Variants in NAALADL2 observed in about 807,000 individuals in gnomAD.
NAALADL2 encodes the protein inactive N-acetylated-alpha-linked acidic dipeptidase-like protein 2.
A neutral mutation model predicts 87.2 loss-of-function variants in NAALADL2; 76 were observed. That is an observed-to-expected ratio of 0.87 (90% CI 0.72 to 1.05). The LOEUF is 1.05. NAALADL2 is among the 50% of genes least tolerant of loss of function. The probability of loss-of-function intolerance (pLI) is 0.00; values close to 1 mark genes in which losing one functional copy is unlikely to be tolerated. For missense variants in NAALADL2, 1,089 were observed against 945.8 expected (o/e 1.15, Z -1.99); for synonymous variants, 354 against 331.0 (o/e 1.07, Z -0.75).
At chr3:174,553,816 A>G (rs996393107) in intron 2 of NAALADL2, among the ~76,000 whole-genome samples, 5 of 152,056 alleles carry the variant, frequency 3.3e-5, no homozygotes, top group African/African-American at 1.2e-4. Flanking sequence ...TTAATTCAGG[A>G]AATGAACAGT....
chr3:175,581,704 G>A (rs1263890473), intron 10 of NAALADL2, among the ~76,000 whole-genome samples: 1 of 152,140 alleles, frequency 6.6e-6, no homozygotes. Flanking sequence ...TGAATGTAGA[G>A]TGAAAATGAG....
At chr3:174,922,309 TAA>T (rs35627069) in intron 1 of NAALADL2, among the ~76,000 whole-genome samples, 6,684 of 137,784 alleles carry the variant, frequency 0.049, 153 homozygotes, top group Middle Eastern at 0.1. Flanking sequence ...GACCTTATCT[TAA>T]AAAAAAAAAA....
In NAALADL2 at chr3:174,456,133, C is replaced by G. The variant is rs903164770; in HGVS notation, c.-184+15101C>G. Among the ~76,000 whole-genome samples, 8 of 152,002 alleles carry G rather than the reference C, an allele frequency of 5.3e-5. No homozygotes were observed. In the East Asian group the frequency reaches 1.5e-3, roughly 29 times the overall value. ...CAGTTGCCACAAAAAGAATAAAATA[C>G]TTAGGAATACAGCTAACCAGGGAGG... On this transcript the variant is annotated intron_variant, in intron 1 of 3. Coordinates refer to the NAALADL2 transcript ENST00000434257.
intron 9 of NAALADL2, among the ~76,000 whole-genome samples, chr3:175,500,327 T>C (rs190026977): frequency 6.6e-6 from 1 of 152,162 alleles, no homozygotes; most frequent in Non-Finnish European, 1.5e-5. Context: ...AGTAAGGTAT[T>C]GAAGTAGAGA....
rs576392750 is a variant in NAALADL2, at chr3:175,774,347, A to G, written c.2189+18929A>G. Reference sequence around the variant, plus strand: ...ATACAGCCAAAAATGTTTGACTTATATGAATGTTAAGAAATACATTGTTAT... The same window carrying G: ...ATACAGCCAAAAATGTTTGACTTATGTGAATGTTAAGAAATACATTGTTAT... On this transcript the variant is annotated intron_variant, in intron 13 of 13. Transcript: ENST00000454872. 2.6e-5 allele frequency among the ~76,000 whole-genome samples: 4 copies of G among 152,210 alleles called. No homozygotes were observed. In the South Asian group the frequency reaches 6.2e-4, roughly 24 times the overall value.
chr3:175,440,864 G>T (rs772622898), intron 5 of NAALADL2, among the ~76,000 whole-genome samples: 4 of 152,072 alleles, frequency 2.6e-5, no homozygotes, highest in Non-Finnish European at 5.9e-5. Context: ...TAACAGTTTG[G>T]ATGTCCTTTA....
chr3:175,751,006 A>C (rs902839697), intron 12 of NAALADL2, among the ~76,000 whole-genome samples: 3 of 151,194 alleles, frequency 2.0e-5, no homozygotes, highest in African/African-American at 7.3e-5. Flanking sequence ...TGAAATTTGT[A>C]AGTTAATTTC....
intron 4 of NAALADL2, among the ~76,000 whole-genome samples, chr3:175,294,874 T>C (rs187553902): frequency 6.6e-6 from 1 of 152,178 alleles, no homozygotes; most frequent in Non-Finnish European, 1.5e-5. Flanking sequence ...CTGCCATGCA[T>C]GTGAGTCGCT....
chr3:175,050,203 C>A (rs867919910), intron 1 of NAALADL2, among the ~76,000 whole-genome samples: 1 of 152,184 alleles, frequency 6.6e-6, no homozygotes, highest in Non-Finnish European at 1.5e-5. Context: ...ACCCGTGATA[C>A]TGAGCTGGAA....
chr3:174,984,329 G>A (rs1745526135), intron 1 of NAALADL2, among the ~76,000 whole-genome samples: 1 of 152,134 alleles, frequency 6.6e-6, no homozygotes, highest in African/African-American at 2.4e-5. Context: ...GTGCCTGAAT[G>A]TGTATATTTG....
intron 2 of NAALADL2, among the ~76,000 whole-genome samples, chr3:175,145,980 T>C (rs1730695074): frequency 6.6e-6 from 1 of 152,170 alleles, no homozygotes; most frequent in South Asian, 2.1e-4. Flanking sequence ...TCCATGTTTT[T>C]GTAGCACACA....
chr3:175,074,663 AGT>A (rs1024229785), intron 1 of NAALADL2, among the ~76,000 whole-genome samples: 4 of 152,064 alleles, frequency 2.6e-5, no homozygotes, highest in African/African-American at 9.7e-5. Flanking sequence ...TATTAAAAAT[AGT>A]CTTTGTCTTT....
chr3:175,129,517 C>T (rs1218940977), intron 2 of NAALADL2, among the ~76,000 whole-genome samples: 1 of 152,224 alleles, frequency 6.6e-6, no homozygotes, highest in African/African-American at 2.4e-5. Flanking sequence ...CTATACTCTG[C>T]TTTTATGAAT....
In NAALADL2 at chr3:175,751,835, G is replaced by A. The variant is rs1255958553; in HGVS notation, c.1991-3385G>A. ...TGAAATTCACCGTGCCTTAAGTAAA[G>A]TTTTATATAATCTTAAGTTTTTATG... On this transcript the variant is annotated intron_variant, in intron 12 of 13. Coordinates refer to ENST00000454872, the MANE Select transcript of NAALADL2 (RefSeq NM_207015.3). Among the ~76,000 whole-genome samples, 3 of 152,068 alleles carry A rather than the reference G, an allele frequency of 2.0e-5. No individual in the cohort carries two copies. The East Asian group carries it at 5.8e-4, about 29-fold the overall frequency.
At chr3:175,255,531 T>C (rs1560239695) in intron 3 of NAALADL2, among the ~76,000 whole-genome samples, 3 of 152,192 alleles carry the variant, frequency 2.0e-5, no homozygotes, top group Non-Finnish European at 4.4e-5. Flanking sequence ...TACATTATAA[T>C]ATAATCATTG....
intron 1 of NAALADL2, among the ~76,000 whole-genome samples, chr3:174,912,866 G>A (rs1733884947): frequency 6.6e-6 from 1 of 151,978 alleles, no homozygotes; most frequent in African/African-American, 2.4e-5. Flanking sequence ...GAAAATATTT[G>A]GAATTAGATA....
At chr3:174,556,513 G>T (rs575355890) in intron 2 of NAALADL2, among the ~76,000 whole-genome samples, 8 of 151,382 alleles carry the variant, frequency 5.3e-5, no homozygotes, top group East Asian at 1.9e-4. Context: ...AAGAAGAAAA[G>T]AATGCATTCT....
intron 2 of NAALADL2, among the ~76,000 whole-genome samples, chr3:175,209,130 G>A (rs1413086599): frequency 1.3e-5 from 2 of 152,116 alleles, no homozygotes; most frequent in Non-Finnish European, 2.9e-5. Flanking sequence ...AGAAGGTGTA[G>A]TAGGGAAAAG....
intron 1 of NAALADL2, among the ~76,000 whole-genome samples, chr3:175,058,079 AT>A (rs1234897654): frequency 6.6e-6 from 1 of 152,034 alleles, no homozygotes; most frequent in Non-Finnish European, 1.5e-5. Flanking sequence ...TAGAACAGTG[AT>A]TTTTTTTCAA....
Sources: allele counts gnomAD v4.1 joint callset (sites outside exome capture counted in the v4.1 genomes callset), GRCh38; gene constraint gnomAD v4.1.1; transcripts MANE v1.5; gene names NCBI Gene and HGNC (gene_info 2026-07-23, HGNC 2026-07-21).